Variants in S100A13 observed in about 807,000 individuals in gnomAD.
S100A13 encodes protein S100-A13.
S100A13 carries 6 observed loss-of-function variants against 8.2 expected under a neutral mutation model. That is an observed-to-expected ratio of 0.73 (90% CI 0.40 to 1.44). The LOEUF is 1.44. Ranked by LOEUF, S100A13 falls within the 40% of genes most tolerant of loss-of-function variation. The pLI is 0.02. For synonymous variants in S100A13, 39 were observed against 45.9 expected, an observed-to-expected ratio of 0.85 and a Z score of 0.61; for missense variants, 114 against 113.6, an observed-to-expected ratio of 1.00 and a Z score of -0.02.
chr1:153,630,250 A>G (rs1257798984), upstream of S100A13: 8 of 499,202 alleles, frequency 1.6e-5, no homozygotes, highest in East Asian at 6.2e-5. Context: ...CCCAGCTCCA[A>G]CTGCTCTCTC....
At chr1:153,622,594 T>G (rs1667340311) in intron 2 of S100A13, among the ~76,000 whole-genome samples, 2 of 152,220 alleles carry the variant, frequency 1.3e-5, no homozygotes, top group Admixed American at 1.3e-4. Context: ...GGAGGATCAC[T>G]TAAGCCTAGG....
At chr1:153,626,580 G>A in intron 1 of S100A13, 47 bp from the exon 2 acceptor site, 1 of 1,160,008 alleles carries the variant, frequency 8.6e-7, no homozygotes, top group Admixed American at 2.0e-5. Flanking sequence ...GGAGCCCCAA[G>A]ATGCAGGAAT....
At chr1:153,630,052 T>C, upstream of S100A13, 1 of 177,398 alleles carries the variant, frequency 5.6e-6, no homozygotes, top group East Asian at 1.4e-4. Context: ...GAAGGAAGGC[T>C]GTAGTGGACA....
intron 2 of S100A13, 118 bp from the exon 3 acceptor site, chr1:153,619,156 C>T: frequency 1.1e-6 from 1 of 903,952 alleles, no homozygotes; most frequent in Non-Finnish European, 1.7e-6. Context: ...GCAGTGGCAC[C>T]TGCCCCTTCT....
At chr1:153,630,721 A>C, upstream of S100A13, 1 of 1,575,576 alleles carries the variant, frequency 6.3e-7, no homozygotes, top group Non-Finnish European at 8.7e-7. Flanking sequence ...AATGGGGTGG[A>C]CACCCCCTTG....
At position 153,618,838 on chromosome 1, in the gene S100A13, G is replaced by A. The variant is rs545380898; in HGVS notation, c.*57C>T. On this transcript the variant is annotated 3_prime_UTR_variant, in exon 3 of 3. Coordinates refer to ENST00000476133, the MANE Select transcript of S100A13 (RefSeq NM_001024211.2). Reference sequence around the variant, plus strand: ...AGGAAGCTTTATTTGGGAAGAGTGCGGTTCTGCTCGGCCCTGATCAGCTCT... The same window carrying A: ...AGGAAGCTTTATTTGGGAAGAGTGCAGTTCTGCTCGGCCCTGATCAGCTCT... 1.5e-5 allele frequency: 23 copies of A among 1,537,458 alleles called. No homozygotes were observed. The South Asian group carries it at 1.5e-4, about 10-fold the overall frequency.
At chr1:153,631,646 C>T (rs1457481870), upstream of S100A13, 22 of 1,613,170 alleles carry the variant, frequency 1.4e-5, no homozygotes, top group Non-Finnish European at 1.7e-6. Context: ...GCCTCTGACT[C>T]AGTGCTGTAC....
chr1:153,622,925 CA>C (rs1304752699), intron 2 of S100A13, among the ~76,000 whole-genome samples: 1 of 151,968 alleles, frequency 6.6e-6, no homozygotes, highest in Non-Finnish European at 1.5e-5. Flanking sequence ...CCTGTCTCTA[CA>C]AAAAAATTAA....
chr1:153,624,146 A>G (rs1667451395), intron 2 of S100A13, among the ~76,000 whole-genome samples: 1 of 152,252 alleles, frequency 6.6e-6, no homozygotes, highest in South Asian at 2.1e-4. Flanking sequence ...GGAGGAGGTC[A>G]GCAGATAAAG....
intron 2 of S100A13, among the ~76,000 whole-genome samples, chr1:153,624,641 GAA>G (rs35890519): frequency 0.59 from 90,102 of 151,534 alleles, 27,513 homozygotes; most frequent in African/African-American, 0.73. Flanking sequence ...TAAAAAAGAT[GAA>G]AAAGGAAACG....
At chr1:153,627,102 G>C (rs992897049) in intron 1 of S100A13, 1 of 152,676 alleles carries the variant, frequency 6.5e-6, no homozygotes, top group African/African-American at 2.4e-5. Context: ...GGCTCCGTCT[G>C]AACAGACCCA....
At chr1:153,620,061 C>T (rs938724078) in intron 2 of S100A13, among the ~76,000 whole-genome samples, 11 of 151,768 alleles carry the variant, frequency 7.2e-5, no homozygotes, top group East Asian at 5.8e-4. Context: ...CTGAGGTGGG[C>T]GGATCACTTG....
In S100A13 at chr1:153,622,246, T is replaced by G. The variant is rs1667313685; in HGVS notation, c.154-3208A>C. 2.0e-5 allele frequency among the ~76,000 whole-genome samples: 3 copies of G among 152,070 alleles called. No homozygotes were observed. The South Asian group carries it at 6.2e-4, about 31-fold the overall frequency. On this transcript the variant is annotated intron_variant, in intron 2 of 2. Transcript: ENST00000476133. ...TTAGCCAGGCGTGGTGGCACAAGCC[T>G]GTAGTCCCAGCTACTCAGGGAGGCT...
intron 2 of S100A13, among the ~76,000 whole-genome samples, chr1:153,623,899 A>G (rs1032193051): frequency 3.9e-5 from 6 of 152,198 alleles, no homozygotes; most frequent in Admixed American, 6.5e-5. Context: ...GCAAGTTACT[A>G]TAGGTGAAAT....
At chr1:153,620,179 C>T (rs1557920826) in intron 2 of S100A13, among the ~76,000 whole-genome samples, 1 of 151,900 alleles carries the variant, frequency 6.6e-6, no homozygotes, top group Non-Finnish European at 1.5e-5. Context: ...CCCAGCTACT[C>T]GGTAGGCTGA....
chr1:153,626,592 G>T, intron 1 of S100A13, 59 bp from the exon 2 acceptor site: 1 of 967,464 alleles, frequency 1.0e-6, no homozygotes, highest in East Asian at 2.4e-5. Flanking sequence ...TGCAGGAATG[G>T]TTCAGAAGGT....
At chr1:153,631,564 C>T (rs1387840810), upstream of S100A13, 3 of 1,613,772 alleles carry the variant, frequency 1.9e-6, no homozygotes, top group African/African-American at 2.7e-5. Flanking sequence ...TTTGAGGAGG[C>T]CTAGAAGAGT....
chr1:153,631,795 C>T (rs1668024895), upstream of S100A13: 1 of 1,614,166 alleles, frequency 6.2e-7, no homozygotes, highest in Admixed American at 1.7e-5. Flanking sequence ...GTGCTTGTGG[C>T]TGCTCTCACA....
intron 2 of S100A13, among the ~76,000 whole-genome samples, chr1:153,620,410 G>A (rs909952027): frequency 1.5e-4 from 22 of 150,120 alleles, no homozygotes; most frequent in African/African-American, 4.7e-4. Context: ...GTAGTGAGCC[G>A]AGATCAAGCC....
Sources: allele counts gnomAD v4.1 joint callset (sites outside exome capture counted in the v4.1 genomes callset), GRCh38; gene constraint gnomAD v4.1.1; transcripts MANE v1.5; gene names NCBI Gene and HGNC (gene_info 2026-07-23, HGNC 2026-07-21).